Variants in DPM1 observed in about 807,000 individuals in gnomAD.
DPM1 encodes dolichol-phosphate mannosyltransferase subunit 1.
Under a neutral mutation model 39.0 loss-of-function variants are expected in DPM1, and 27 were observed. The ratio of observed to expected loss-of-function variants is 0.69; its 90% CI spans 0.51 to 0.95. DPM1 has a LOEUF of 0.95. Ranked by LOEUF, DPM1 falls within the 40% of genes least tolerant of loss-of-function variation. The pLI, the probability that DPM1 is intolerant of heterozygous loss-of-function variation, is 0.00. For synonymous variants in DPM1, 124 were observed against 109.0 expected, an observed-to-expected ratio of 1.14 and a Z score of -0.86; for missense variants, 307 against 315.6, an observed-to-expected ratio of 0.97 and a Z score of 0.21.
intron 7 of DPM1, among the ~76,000 whole-genome samples, chr20:50,938,004 G>A (rs769744775): frequency 1.3e-5 from 2 of 151,994 alleles, no homozygotes; most frequent in Non-Finnish European, 2.9e-5. Flanking sequence ...ATTGGGATTA[G>A]GCTATGAAAT....
At chr20:50,955,387 T>C in intron 1 of DPM1, 102 bp from the exon 2 acceptor site, 1 of 815,360 alleles carries the variant, frequency 1.2e-6, no homozygotes, top group Admixed American at 2.1e-5. Context: ...GGAGATGTAT[T>C]GCTATATTAA....
intron 2 of DPM1, among the ~76,000 whole-genome samples, chr20:50,952,153 T>A (rs940999561): frequency 1.3e-5 from 2 of 152,192 alleles, no homozygotes; most frequent in African/African-American, 4.8e-5. Flanking sequence ...TTGGCTTTCA[T>A]GAGGAACAAG....
intron 7 of DPM1, among the ~76,000 whole-genome samples, chr20:50,936,696 T>C (rs578236545): frequency 6.6e-6 from 1 of 152,376 alleles, no homozygotes; most frequent in Admixed American, 6.5e-5. Context: ...AACCTCATAA[T>C]TCACAGTCAT....
chr20:50,955,540 A>G (rs1453586753), intron 1 of DPM1, among the ~76,000 whole-genome samples: 2 of 152,228 alleles, frequency 1.3e-5, no homozygotes, highest in African/African-American at 4.8e-5. Context: ...TTTTAGTTCA[A>G]AAGAAAATCA....
intron 2 of DPM1, among the ~76,000 whole-genome samples, chr20:50,951,702 T>G (rs1419125303): frequency 6.6e-6 from 1 of 151,952 alleles, no homozygotes; most frequent in Non-Finnish European, 1.5e-5. Context: ...GCAGGAGAAC[T>G]GCTTGAACCC....
At chr20:50,952,765 T>G (rs1460914957) in intron 2 of DPM1, among the ~76,000 whole-genome samples, 1 of 152,250 alleles carries the variant, frequency 6.6e-6, no homozygotes, top group Non-Finnish European at 1.5e-5. Context: ...TTACATTTGA[T>G]GTTTTAAGAA....
chr20:50,956,711 T>G (rs1027323270), intron 1 of DPM1, among the ~76,000 whole-genome samples: 8 of 152,330 alleles, frequency 5.3e-5, no homozygotes, highest in Non-Finnish European at 1.2e-4. Flanking sequence ...CACTGTGCCT[T>G]AAATCTGGGC....
At chr20:50,954,435 C>G (rs538305813) in intron 2 of DPM1, among the ~76,000 whole-genome samples, 3 of 152,276 alleles carry the variant, frequency 2.0e-5, no homozygotes, top group African/African-American at 7.2e-5. Flanking sequence ...AAGAATTAAT[C>G]TGTCCACACG....
intron 3 of DPM1, 139 bp downstream of exon 3, chr20:50,948,490 T>C (rs1227784632): frequency 1.1e-5 from 10 of 902,636 alleles, no homozygotes; most frequent in East Asian, 2.4e-5. Context: ...AGTTATACCA[T>C]TTAAATGTCA....
Position 50,942,013 on chromosome 20 carries a change from T to A in DPM1, c.494+18A>T. The A allele has an allele frequency of 6.3e-7, 1 of 1,590,274 alleles. No individual in the cohort carries two copies. Among genetic ancestry groups the A allele is most frequent in the Non-Finnish European group, 8.6e-7 (1 of 1,158,294 alleles). On this transcript the variant is annotated intron_variant, in intron 6 of 8. Coordinates refer to ENST00000371588, the MANE Select transcript of DPM1 (RefSeq NM_003859.3). ...CCAGTAGTTATACTAATAAAGAAGTTGTAACACATGTACCTACCTGATTAT... is the reference window on the plus strand; with the variant it reads ...CCAGTAGTTATACTAATAAAGAAGTAGTAACACATGTACCTACCTGATTAT...
chr20:50,958,501 C>G lies in DPM1; in HGVS notation c.23G>C (p.Arg8Pro). The change falls in exon 1 of 9, where the codon CGT becomes CCT. Residue 8 changes from arginine to proline, a missense_variant. By Grantham distance (103) the Arg-to-Pro change is moderately radical. This residue lies in a region of DPM1 where 206 missense variants were observed against 188.2 expected (regional missense o/e 1.09). Transcript: ENST00000371588. ...CTCCCGCCGAGACCTGCGAGGACTA[C>G]GACTGACTTCCAAGGAGGCCATGGC... MASLEVS[R>P]SPRRSRRELE... 2 of 1,613,666 alleles carry G rather than the reference C, an allele frequency of 1.2e-6. No homozygotes were observed. Among genetic ancestry groups the G allele is most frequent in the East Asian group, 2.2e-5 (1 of 44,828 alleles).
chr20:50,956,123 T>C (rs1426706790), intron 1 of DPM1, among the ~76,000 whole-genome samples: 1 of 152,088 alleles, frequency 6.6e-6, no homozygotes, highest in Non-Finnish European at 1.5e-5. Context: ...CCTCACATTA[T>C]CAAATTAAAA....
At chr20:50,942,686 A>T (rs1426634065) in intron 5 of DPM1, among the ~76,000 whole-genome samples, 2 of 152,062 alleles carry the variant, frequency 1.3e-5, no homozygotes, top group Non-Finnish European at 2.9e-5. Flanking sequence ...AAAATAATTA[A>T]TTTTCCCAAT....
Position 50,948,611 on chromosome 20 carries a change from A to G in DPM1, c.295+18T>C. 2 of 1,612,298 alleles carry G rather than the reference A, an allele frequency of 1.2e-6. No individual in the cohort carries two copies. The highest frequency in any genetic ancestry group is 1.7e-6 in the Non-Finnish European group (2 of 1,178,314). On this transcript the variant is annotated intron_variant, in intron 3 of 8. Transcript: ENST00000371588. ...AAGCAAGCAGCAGGTGTGAGGGGTT[A>G]GAGATTACACGACTTACCTAGTCCC...
chr20:50,943,007 C>T (rs914316204), intron 5 of DPM1, among the ~76,000 whole-genome samples: 3 of 152,146 alleles, frequency 2.0e-5, no homozygotes, highest in South Asian at 2.1e-4. Context: ...GTGAAACTGT[C>T]TCTACTAAAA....
chr20:50,942,604 G>A (rs1985938283), intron 5 of DPM1, among the ~76,000 whole-genome samples: 1 of 152,152 alleles, frequency 6.6e-6, no homozygotes, highest in African/African-American at 2.4e-5. Context: ...GGGAGGTTCA[G>A]GCTGCAGTGA....
intron 5 of DPM1, chr20:50,945,034 A>G (rs1986176672): frequency 6.6e-6 from 1 of 152,338 alleles, no homozygotes; most frequent in Admixed American, 6.5e-5. Context: ...GCATCTACAG[A>G]CTTAACCACA....
At chr20:50,942,229 T>C (rs1985900763) in intron 5 of DPM1, 103 bp from the exon 6 acceptor site, 8 of 1,021,386 alleles carry the variant, frequency 7.8e-6, no homozygotes, top group Admixed American at 5.3e-5. Flanking sequence ...CGACACAGGC[T>C]GGGTGCAGTG....
intron 2 of DPM1, among the ~76,000 whole-genome samples, chr20:50,952,261 A>G (rs1427195255): frequency 1.3e-5 from 2 of 152,266 alleles, no homozygotes; most frequent in African/African-American, 4.8e-5. Context: ...ATGGGAAACT[A>G]TAATTTGTTT....
Sources: gnomAD v4.1 joint callset for allele counts (sites outside exome capture counted in the v4.1 genomes callset) on GRCh38, gnomAD v4.1.1 for gene constraint, gnomAD v4.1.1 regional missense constraint, MANE v1.5 for transcripts, NCBI Gene and HGNC (gene_info 2026-07-23, HGNC 2026-07-21) for gene names.